LHFPL5: variants seen among roughly 807,000 people sequenced by gnomAD.
LHFPL5 encodes the protein LHFPL tetraspan subfamily member 5.
LHFPL5 carries 12 observed loss-of-function variants against 18.7 expected under a neutral mutation model. The ratio of observed to expected loss-of-function variants is 0.64; its 90% confidence interval spans 0.41 to 1.04. LHFPL5 has a LOEUF of 1.04. LHFPL5 is among the 50% of genes least tolerant of loss of function. LHFPL5 has a pLI of 0.00. For synonymous variants in LHFPL5, 111 were observed against 120.2 expected (o/e 0.92, Z 0.50); for missense variants, 259 against 292.1 (o/e 0.89, Z 0.83).
chr6:35,819,644 C>G, intron 3 of LHFPL5, 181 bp downstream of exon 3: 2 of 642,712 alleles, frequency 3.1e-6, no homozygotes, highest in South Asian at 3.6e-5. Context: ...GAGACCCTCA[C>G]TGGGGAGCAA....
At position 35,814,822 on chromosome 6, in the gene LHFPL5, A is replaced by T. The variant is rs772203360; in HGVS notation, c.649+40A>T. 7 of 1,569,976 alleles carry T rather than the reference A, an allele frequency of 4.5e-6. No homozygotes were observed. The highest frequency in any genetic ancestry group is 6.1e-6 in the Non-Finnish European group (7 of 1,140,318). ...CCACAATGGTGTCCCCTGCCTGGAG[A>T]CCCTGGGATGTGGGTGGGGGTTCAT... On this transcript the variant is annotated intron_variant, in intron 2 of 3. Coordinates refer to ENST00000360215, the MANE Select transcript of LHFPL5 (RefSeq NM_182548.4). The surrounding 1 kb of genome is among the most constrained non-coding windows in gnomAD (Gnocchi z 4.2).
chr6:35,811,058 G>A (rs1000643425), intron 1 of LHFPL5, among the ~76,000 whole-genome samples: 1 of 152,068 alleles, frequency 6.6e-6, no homozygotes, highest in Admixed American at 6.6e-5. Flanking sequence ...AGCTGTCCTC[G>A]CATCAGAGGG....
Position 35,815,275 on chromosome 6 carries a change from G to A in LHFPL5, c.649+493G>A, listed in dbSNP as rs961522482. On this transcript the variant is annotated intron_variant, in intron 2 of 3. Coordinates refer to ENST00000360215, the MANE Select transcript of LHFPL5 (RefSeq NM_182548.4). ...GAGGAACAGCAGCCTTGGGATTCTC[G>A]TAATGTTCGTCCTGTTTCAATTCCC... 5.9e-5 allele frequency among the ~76,000 whole-genome samples: 9 copies of A among 152,166 alleles called. 1 individual carries two copies. The highest frequency in any genetic ancestry group is 2.2e-4 in the African/African-American group (9 of 41,508).
intron 2 of LHFPL5, among the ~76,000 whole-genome samples, chr6:35,815,233 G>A (rs1768739070): frequency 6.6e-6 from 1 of 152,108 alleles, no homozygotes. Flanking sequence ...GCAGCTGGTG[G>A]GAGCCCGAGA....
intron 2 of LHFPL5, among the ~76,000 whole-genome samples, chr6:35,816,987 C>T (rs188367852): frequency 1.1e-3 from 173 of 152,124 alleles, no homozygotes; most frequent in African/African-American, 4.0e-3. Flanking sequence ...ACACCATATA[C>T]AAAAATTAAC....
chr6:35,813,221 C>T (rs1028901902), intron 1 of LHFPL5, among the ~76,000 whole-genome samples: 1 of 150,116 alleles, frequency 6.7e-6, no homozygotes, highest in Non-Finnish European at 1.5e-5. Context: ...TGAACCCAAC[C>T]ATGACCTAGG....
intron 1 of LHFPL5, among the ~76,000 whole-genome samples, chr6:35,812,443 G>C (rs554395320): frequency 6.6e-6 from 1 of 152,294 alleles, no homozygotes; most frequent in East Asian, 1.9e-4. Flanking sequence ...GGCTGCCCCA[G>C]TTGCATCCTG....
intron 1 of LHFPL5, among the ~76,000 whole-genome samples, chr6:35,806,375 A>G (rs1171090109): frequency 2.0e-5 from 3 of 152,218 alleles, no homozygotes; most frequent in Non-Finnish European, 4.4e-5. Flanking sequence ...TGACTTGCCC[A>G]GGAGCACACA....
chr6:35,807,756 C>T (rs1768595529), intron 1 of LHFPL5, among the ~76,000 whole-genome samples: 1 of 152,134 alleles, frequency 6.6e-6, no homozygotes, highest in African/African-American at 2.4e-5. Context: ...AGCAGATCAG[C>T]AGGCACCTGA....
rs73404016 is a variant in LHFPL5, at chr6:35,811,773, G to A, written c.413-2773G>A. On this transcript the variant is annotated intron_variant, in intron 1 of 3. Coordinates refer to ENST00000360215, the MANE Select transcript of LHFPL5 (RefSeq NM_182548.4). ...CTGGACTCACATCAAGTCGGGGAAG[G>A]GCTGGCTACGTAGGTTTCACCACGG... is the stretch of plus-strand genomic sequence containing the variant. Among the ~76,000 whole-genome samples, 746 of 152,344 alleles carry A rather than the reference G, an allele frequency of 4.9e-3. 7 individuals carry two copies. Among genetic ancestry groups the A allele is most frequent in the African/African-American group, 0.016 (677 of 41,574 alleles).
At position 35,814,434 on chromosome 6, in the gene LHFPL5, C is replaced by G; in HGVS notation, c.413-112C>G. On this transcript the variant is annotated intron_variant, in intron 1 of 3. Transcript: ENST00000360215. The surrounding 1 kb of genome is among the most constrained non-coding windows in gnomAD (Gnocchi z 4.2). Reference sequence around the variant, plus strand: ...AGGCTGCCTCTCATGCCTCCTGAGGCTGTTAACAGAAGGAGAAGGGAGGTG... The same window carrying G: ...AGGCTGCCTCTCATGCCTCCTGAGGGTGTTAACAGAAGGAGAAGGGAGGTG... 1 of 878,136 alleles carries G rather than the reference C, an allele frequency of 1.1e-6. No individual in the cohort carries two copies. The highest frequency in any genetic ancestry group is 1.6e-5 in the African/African-American group (1 of 61,118). 54.4% of individuals were successfully genotyped at this position (878,136 alleles called of 1,614,324 possible).
In LHFPL5 at chr6:35,823,419, A is replaced by G. The variant is rs1399124719; in HGVS notation, c.*454A>G. The G allele has an allele frequency of 7.2e-6, 1 of 139,672 alleles. No homozygotes were observed. The highest frequency in any genetic ancestry group is 1.5e-5 in the Non-Finnish European group (1 of 67,308). The allele number at this position is 139,672 out of a possible 1,614,324, so 8.7% of individuals were successfully genotyped here. On this transcript the variant is annotated 3_prime_UTR_variant, in exon 4 of 4. Coordinates refer to ENST00000360215, the MANE Select transcript of LHFPL5 (RefSeq NM_182548.4). ...CACACACACACACACACACACACAC[A>G]CACACATACATACACACACACATAT... is the stretch of plus-strand genomic sequence containing the variant.
intron 1 of LHFPL5, among the ~76,000 whole-genome samples, chr6:35,806,868 G>A (rs1768578112): frequency 1.3e-5 from 2 of 152,114 alleles, no homozygotes; most frequent in Non-Finnish European, 1.5e-5. Context: ...CTTTGGCTCA[G>A]GCTGGAGTGC....
intron 1 of LHFPL5, among the ~76,000 whole-genome samples, chr6:35,810,701 C>T (rs1026000808): frequency 1.3e-5 from 2 of 151,912 alleles, no homozygotes; most frequent in Non-Finnish European, 2.9e-5. Context: ...GTGGCGGGCG[C>T]CTGTAGTCCC....
intron 3 of LHFPL5, 42 bp downstream of exon 3, chr6:35,819,505 A>G (rs1768825664): frequency 6.3e-7 from 1 of 1,585,674 alleles, no homozygotes; most frequent in East Asian, 2.2e-5. Flanking sequence ...GCCCTTAGAA[A>G]GGCTGGGGCT....
At chr6:35,819,633 T>C in intron 3 of LHFPL5, 170 bp downstream of exon 3, 1 of 682,936 alleles carries the variant, frequency 1.5e-6, no homozygotes, top group Non-Finnish European at 2.7e-6. Flanking sequence ...ATTTGGCCTC[T>C]GAGACCCTCA....
In LHFPL5 at chr6:35,805,444, C is replaced by T. The variant is rs1768552218; in HGVS notation, c.-227C>T. The T allele has an allele frequency of 1.7e-6, 1 of 573,008 alleles. No individual in the cohort carries two copies. Among genetic ancestry groups the T allele is most frequent in the African/African-American group, 1.9e-5 (1 of 53,442 alleles). The allele number at this position is 573,008 out of a possible 1,614,324, so 35.5% of individuals were successfully genotyped here. On this transcript the variant is annotated 5_prime_UTR_variant, in exon 1 of 4. Transcript: ENST00000360215. This position sits in a 1 kb window ranked among gnomAD's most constrained non-coding sequence, Gnocchi z 4.3. ...GAGGAGGCAGGAGACTGGAGACAGC[C>T]TCGGCTAGAGCGGACACAGGCACCT... is the stretch of plus-strand genomic sequence containing the variant.
Position 35,814,586 on chromosome 6 carries a change from T to C in LHFPL5, c.453T>C (p.Gly151=), listed in dbSNP as rs144202605. The C allele has an allele frequency of 9.0e-5, 145 of 1,613,978 alleles. No individual in the cohort carries two copies. The highest frequency in any genetic ancestry group is 4.9e-4 in the Middle Eastern group (3 of 6,084). Residue 151 remains glycine, a synonymous_variant, in exon 2 of 4, where the codon GGT becomes GGC. Coordinates refer to ENST00000360215, the MANE Select transcript of LHFPL5 (RefSeq NM_182548.4). The surrounding 1 kb of genome is among the most constrained non-coding windows in gnomAD (Gnocchi z 4.2). ...LMIGCLVYPD[G]WDSSEVRRMC... ...TTGGCTGCCTGGTCTACCCTGATGG[T>C]TGGGACTCAAGTGAGGTGCGGCGCA...
rs138397204 is a variant in LHFPL5, at chr6:35,814,185, C to G, written c.413-361C>G. On this transcript the variant is annotated intron_variant, in intron 1 of 3. Coordinates refer to ENST00000360215, the MANE Select transcript of LHFPL5 (RefSeq NM_182548.4). This position sits in a 1 kb window ranked among gnomAD's most constrained non-coding sequence, Gnocchi z 4.2. ...CAGTGATGAGTTCTTTGGGCTGGGA[C>G]TAGATACCGGAGGGCTTTGAAGCCA... Among the ~76,000 whole-genome samples the G allele has an allele frequency of 6.6e-6, 1 of 152,278 alleles. No individual in the cohort carries two copies. Among genetic ancestry groups the G allele is most frequent in the East Asian group, 1.9e-4 (1 of 5,180 alleles).
Sources: gnomAD v4.1 joint callset for allele counts (sites outside exome capture counted in the v4.1 genomes callset) on GRCh38, gnomAD v4.1.1 for gene constraint, Gnocchi (gnomAD v3.1) non-coding constraint, MANE v1.5 for transcripts, NCBI Gene and HGNC (gene_info 2026-07-23, HGNC 2026-07-21) for gene names.